Variants in GRIN2B observed in about 807,000 individuals in gnomAD.
The protein encoded by GRIN2B is glutamate ionotropic receptor NMDA type subunit 2B, also known as glutamate receptor ionotropic, NMDA 2B.
A neutral mutation model predicts 114.5 loss-of-function variants in GRIN2B; 5 were observed. The observed-to-expected ratio is 0.04, with a 90% confidence interval of 0.02 to 0.09. The LOEUF (loss-of-function observed/expected upper bound fraction) is 0.09. GRIN2B is among the 10% of genes least tolerant of loss of function. The pLI, the probability that GRIN2B is intolerant of heterozygous loss-of-function variation, is 1.00. For missense variants in GRIN2B, 1,108 were observed against 1,943.5 expected, an observed-to-expected ratio of 0.57 and a Z score of 8.08; for synonymous variants, 787 against 745.1, an observed-to-expected ratio of 1.06 and a Z score of -0.92.
At chr12:13,912,593 GT>G (rs141387433) in intron 2 of GRIN2B, among the ~76,000 whole-genome samples, 2,936 of 152,270 alleles carry the variant, frequency 0.019, 40 homozygotes, top group Middle Eastern at 0.027. Context: ...GCCTTGCTCT[GT>G]CTGAACCTGA....
In GRIN2B at chr12:13,547,534, G is replaced by C. The variant is rs1412302407; in HGVS notation, c.*15249C>G. 1 of 152,100 alleles carries C rather than the reference G, an allele frequency of 6.6e-6. No individual in the cohort carries two copies. The highest frequency in any genetic ancestry group is 2.4e-5 in the African/African-American group (1 of 41,428). 9.4% of individuals were successfully genotyped at this position (152,100 alleles called of 1,614,324 possible). On this transcript the variant is annotated 3_prime_UTR_variant, in exon 14 of 14. Transcript: ENST00000609686. Reference sequence around the variant, plus strand: ...TATTTAGCAATTAGAATGTTTGACTGGCAATGGCCAGGTAGATTTCACCAT... The same window carrying C: ...TATTTAGCAATTAGAATGTTTGACTCGCAATGGCCAGGTAGATTTCACCAT...
At chr12:13,715,078 T>C (rs897635793) in intron 4 of GRIN2B, among the ~76,000 whole-genome samples, 2 of 151,832 alleles carry the variant, frequency 1.3e-5, no homozygotes, top group African/African-American at 2.4e-5. Flanking sequence ...TAAACGTTGA[T>C]GGATGGTGGT....
intron 5 of GRIN2B, among the ~76,000 whole-genome samples, chr12:13,638,611 A>G (rs976094914): frequency 6.6e-6 from 1 of 152,128 alleles, no homozygotes; most frequent in Non-Finnish European, 1.5e-5. Context: ...TGCAAATTCA[A>G]TGTACCTCTG....
intron 3 of GRIN2B, among the ~76,000 whole-genome samples, chr12:13,841,831 T>C (rs1326754633): frequency 6.6e-6 from 1 of 152,184 alleles, no homozygotes; most frequent in Non-Finnish European, 1.5e-5. Flanking sequence ...TGAGATCATA[T>C]ATTTCTTAGT....
intron 2 of GRIN2B, among the ~76,000 whole-genome samples, chr12:13,886,400 C>G (rs1866158123): frequency 6.6e-6 from 1 of 152,122 alleles, no homozygotes; most frequent in Non-Finnish European, 1.5e-5. Flanking sequence ...CCAAGCTCAA[C>G]CAATTAGGAA....
chr12:13,731,206 T>C (rs549886451), intron 4 of GRIN2B, among the ~76,000 whole-genome samples: 6 of 152,188 alleles, frequency 3.9e-5, no homozygotes, highest in Non-Finnish European at 7.3e-5. Context: ...CTACAAGACA[T>C]CCTCACTAAT....
At chr12:13,789,860 A>AAGC (rs1260835916) in intron 3 of GRIN2B, among the ~76,000 whole-genome samples, 1 of 152,214 alleles carries the variant, frequency 6.6e-6, no homozygotes, top group Non-Finnish European at 1.5e-5. Flanking sequence ...TGAGTGGCAG[A>AAGC]AGCAATCTTT....
At chr12:13,566,684 T>C (rs1158514302) in intron 13 of GRIN2B, among the ~76,000 whole-genome samples, 1 of 152,206 alleles carries the variant, frequency 6.6e-6, no homozygotes, top group East Asian at 1.9e-4. Context: ...TTTTAAAGGA[T>C]TAGACAGTTA....
intron 4 of GRIN2B, among the ~76,000 whole-genome samples, chr12:13,703,730 C>G (rs1451203233): frequency 6.6e-6 from 1 of 152,168 alleles, no homozygotes. Flanking sequence ...CCCTCATAGG[C>G]ATATCTTTGT....
chr12:13,736,136 G>A lies in GRIN2B; in HGVS notation c.1010+17181C>T, dbSNP rs188960679. Among the ~76,000 whole-genome samples the A allele has an allele frequency of 6.9e-4, 18 of 25,908 alleles. 1 individual carries two copies. Among genetic ancestry groups the A allele is most frequent in the African/African-American group, 2.2e-3 (9 of 4,074 alleles). The allele number at this position is 25,908 out of a possible 152,430, so 17.0% of individuals were successfully genotyped here. ...GAACTATCATCTCCCATAGAAAAGC[G>A]GGGGGGGGGGGGGGTTGGCGGGAAT... On this transcript the variant is annotated intron_variant, in intron 4 of 13. Transcript: ENST00000609686.
chr12:13,824,349 G>A lies in GRIN2B; in HGVS notation c.411+41449C>T, dbSNP rs551843141. 2.2e-4 allele frequency among the ~76,000 whole-genome samples: 34 copies of A among 152,124 alleles called. 1 individual carries two copies. The South Asian group carries it at 6.2e-3, about 28-fold the overall frequency. On this transcript the variant is annotated intron_variant, in intron 3 of 13. Transcript: ENST00000609686. ...TTTTTTTCTTCTTGAGTTAACTTTCGTAGTTTTCTGTCTCTCAAGGTGTTT... is the reference window on the plus strand; with the variant it reads ...TTTTTTTCTTCTTGAGTTAACTTTCATAGTTTTCTGTCTCTCAAGGTGTTT...
At chr12:13,633,607 A>G (rs891976421) in intron 5 of GRIN2B, among the ~76,000 whole-genome samples, 76 of 152,340 alleles carry the variant, frequency 5.0e-4, no homozygotes, top group Middle Eastern at 3.4e-3. Context: ...TAGAAATAAA[A>G]TGTCTCTTGT....
intron 5 of GRIN2B, among the ~76,000 whole-genome samples, chr12:13,669,444 T>C (rs891817016): frequency 2.6e-5 from 4 of 152,044 alleles, no homozygotes; most frequent in African/African-American, 9.7e-5. Context: ...CAGTTCAAAG[T>C]CAGTAAAAAT....
chr12:13,683,327 A>T (rs1358114517), intron 4 of GRIN2B, among the ~76,000 whole-genome samples: 1 of 152,120 alleles, frequency 6.6e-6, no homozygotes, highest in Non-Finnish European at 1.5e-5. Context: ...CTCATACTGC[A>T]ACAGGCAGTG....
At chr12:13,598,434 C>G (rs1949105187) in intron 10 of GRIN2B, among the ~76,000 whole-genome samples, 1 of 152,136 alleles carries the variant, frequency 6.6e-6, no homozygotes. Context: ...GTATGGCCCA[C>G]CAGCCAGGGA....
In GRIN2B at chr12:13,811,201, TCTC is replaced by T. The variant is rs557115802; in HGVS notation, c.411+54594_411+54596del. ...TTGGCAGTATGAAAACCAAACACTC[TCTC>T]CTCCTATTCTCATCTGGTAAGGGTC... On this transcript the variant is annotated intron_variant, in intron 3 of 13. Transcript: ENST00000609686. Among the ~76,000 whole-genome samples the T allele has an allele frequency of 4.6e-5, 7 of 152,256 alleles. No individual in the cohort carries two copies. The South Asian group carries it at 1.2e-3, about 27-fold the overall frequency.
At chr12:13,868,432 AC>A (rs1865858832) in intron 2 of GRIN2B, among the ~76,000 whole-genome samples, 1 of 151,008 alleles carries the variant, frequency 6.6e-6, no homozygotes, top group South Asian at 2.1e-4. Context: ...GGAGTTTGAC[AC>A]CACAAAGAGC....
At chr12:13,654,297 C>T (rs76694600) in intron 5 of GRIN2B, among the ~76,000 whole-genome samples, 10,742 of 152,204 alleles carry the variant, frequency 0.071, 539 homozygotes, top group South Asian at 0.12. Flanking sequence ...AAAAGCTTCC[C>T]TGGGCTCTTT....
chr12:13,800,405 A>G (rs1864487595), intron 3 of GRIN2B, among the ~76,000 whole-genome samples: 1 of 152,134 alleles, frequency 6.6e-6, no homozygotes, highest in Non-Finnish European at 1.5e-5. Flanking sequence ...GTGTTTGTTA[A>G]ACTTAGTTTA....
Sources: gnomAD v4.1 joint callset for allele counts (sites outside exome capture counted in the v4.1 genomes callset) on GRCh38, gnomAD v4.1.1 for gene constraint, MANE v1.5 for transcripts, NCBI Gene and HGNC (gene_info 2026-07-23, HGNC 2026-07-21) for gene names.